The following PYGB variants were observed in gnomAD, a reference collection of about 807,000 sequenced individuals.
The protein encoded by PYGB is glycogen phosphorylase, brain form.
A neutral mutation model predicts 94.3 loss-of-function variants in PYGB; 82 were observed. That is an observed-to-expected ratio of 0.87 (90% CI 0.73 to 1.04). The LOEUF is 1.04. PYGB is among the 50% of genes least tolerant of loss of function. The probability of loss-of-function intolerance (pLI) is 0.00; values close to 1 mark genes in which losing one functional copy is unlikely to be tolerated. For synonymous variants in PYGB, 488 were observed against 479.1 expected, an observed-to-expected ratio of 1.02 and a Z score of -0.24; for missense variants, 1,132 against 1,158.2, an observed-to-expected ratio of 0.98 and a Z score of 0.33.
At position 25,297,613 on chromosome 20, in the gene PYGB, T is replaced by G. The variant is rs2088568876; in HGVS notation, c.*1091T>G. 1 of 152,380 alleles carries G rather than the reference T, an allele frequency of 6.6e-6. No homozygotes were observed. Among genetic ancestry groups the G allele is most frequent in the South Asian group, 2.1e-4 (1 of 4,836 alleles). The allele number at this position is 152,380 out of a possible 1,614,324, so 9.4% of individuals were successfully genotyped here. ...GGTGGGGGTGAGCCCCTCACAGCCT[T>G]GCCCCTCCCCAAGGCTGGCAACCTG... On this transcript the variant is annotated 3_prime_UTR_variant, in exon 20 of 20. Coordinates refer to ENST00000216962, the MANE Select transcript of PYGB (RefSeq NM_002862.4).
At chr20:25,268,002 A>G (rs910169534) in intron 2 of PYGB, among the ~76,000 whole-genome samples, 1 of 152,198 alleles carries the variant, frequency 6.6e-6, no homozygotes, top group Non-Finnish European at 1.5e-5. Flanking sequence ...TAAAAATTTA[A>G]TGGATTTTTG....
intron 2 of PYGB, among the ~76,000 whole-genome samples, chr20:25,268,157 A>ACCCCCCCCCCCC (rs375575044): frequency 5.3e-4 from 15 of 28,316 alleles, no homozygotes; most frequent in African/African-American, 9.5e-4. Flanking sequence ...AAATCCTAGC[A>ACCCCCCCCCCCC]CCCGCCCCCC....
chr20:25,286,708 C>T (rs1288666205), intron 14 of PYGB, among the ~76,000 whole-genome samples: 2 of 152,202 alleles, frequency 1.3e-5, no homozygotes, highest in East Asian at 1.9e-4. Flanking sequence ...CCAGGACCTG[C>T]CTTGTGAGGG....
intron 14 of PYGB, chr20:25,285,270 T>A (rs911926923): frequency 1.3e-5 from 2 of 152,130 alleles, no homozygotes; most frequent in Admixed American, 6.5e-5. Context: ...TGCCCCATTT[T>A]CCTCCTGCAG....
chr20:25,296,417 G>C lies in PYGB; in HGVS notation c.2427G>C (p.Ser809=), dbSNP rs200407106. 16 of 1,613,980 alleles carry C rather than the reference G, an allele frequency of 9.9e-6. No individual in the cohort carries two copies. The highest frequency in any genetic ancestry group is 1.4e-5 in the Non-Finnish European group (16 of 1,180,014). The part of the protein sequence containing the change: ...TKKVIRNIAC[S]GKFSSDRTIT... ...AGGTCATCAGGAACATCGCCTGCTC[G>C]GGCAAGTTCTCCAGTGACCGGACCA... Residue 809 remains serine, a synonymous_variant, in exon 20 of 20, where the codon TCG becomes TCC. Transcript: ENST00000216962.
rs201366222 is a variant in PYGB, at chr20:25,281,005, C to T, written c.1296C>T (p.Ile432=). ...DVDRLRRMSV[I]EEGDCKRINM... Reference sequence around the variant, plus strand: ...ACCGCCTGCGCAGGATGTCTGTGATCGAGGAGGGGGACTGCAAGCGGATCA... The same window carrying T: ...ACCGCCTGCGCAGGATGTCTGTGATTGAGGAGGGGGACTGCAAGCGGATCA... The change falls in exon 11 of 20, where the codon ATC becomes ATT. Residue 432 remains isoleucine, a synonymous_variant. Transcript: ENST00000216962. 32 of 1,614,130 alleles carry T rather than the reference C, an allele frequency of 2.0e-5. No individual in the cohort carries two copies. The highest frequency in any genetic ancestry group is 1.5e-4 in the African/African-American group (11 of 75,034).
chr20:25,293,962 C>T (rs1260817141), intron 17 of PYGB, 196 bp from the exon 18 acceptor site: 4 of 635,534 alleles, frequency 6.3e-6, no homozygotes, highest in South Asian at 5.8e-5. Flanking sequence ...ACTGACTTCA[C>T]ATCTCTGCTC....
intron 16 of PYGB, among the ~76,000 whole-genome samples, 155 bp from the exon 17 acceptor site, chr20:25,292,251 T>TGTGGGAGTGGGA (rs2088474176): frequency 8.5e-6 from 1 of 118,274 alleles, no homozygotes; most frequent in Non-Finnish European, 1.8e-5. Context: ...CCTGGGCCCC[T>TGTGGGAGTGGGA]GTGGGAGCGG....
intron 2 of PYGB, 27 bp downstream of exon 2, chr20:25,259,365 G>C: frequency 6.5e-7 from 1 of 1,547,206 alleles, no homozygotes; most frequent in East Asian, 2.2e-5. Context: ...CCGGGCTTCT[G>C]GGTGGCCCCT....
At chr20:25,276,919 G>T (rs1250056167) in intron 6 of PYGB, among the ~76,000 whole-genome samples, 162 bp downstream of exon 6, 1 of 152,128 alleles carries the variant, frequency 6.6e-6, no homozygotes, top group Non-Finnish European at 1.5e-5. Context: ...GGCTGGTGCA[G>T]CTTACCTGTG....
intron 2 of PYGB, among the ~76,000 whole-genome samples, chr20:25,260,512 A>T (rs192415001): frequency 8.7e-4 from 133 of 152,356 alleles, no homozygotes; most frequent in African/African-American, 3.1e-3. Context: ...GGAGGTTCCA[A>T]GATGGCTGAA....
At chr20:25,262,041 T>C (rs2123527588) in intron 2 of PYGB, among the ~76,000 whole-genome samples, 1 of 152,274 alleles carries the variant, frequency 6.6e-6, no homozygotes, top group African/African-American at 2.4e-5. Context: ...TGGCACCAAG[T>C]TGGAAAACAC....
Position 25,296,253 on chromosome 20 carries a change from G to A in PYGB, c.2380-117G>A, listed in dbSNP as rs751479072. The A allele has an allele frequency of 2.5e-4, 321 of 1,282,214 alleles. 2 individuals carry two copies. The highest frequency in any genetic ancestry group is 5.4e-4 in the African/African-American group (37 of 68,036). The allele number at this position is 1,282,214 out of a possible 1,614,324, so 79.4% of individuals were successfully genotyped here. Reference sequence around the variant, plus strand: ...GATTGTAATGTCCTCCTCTTCCAGCGGATGGCCCCAAGGCTCGGAGCTCAT... The same window carrying A: ...GATTGTAATGTCCTCCTCTTCCAGCAGATGGCCCCAAGGCTCGGAGCTCAT... On this transcript the variant is annotated intron_variant, in intron 19 of 19. Coordinates refer to ENST00000216962, the MANE Select transcript of PYGB (RefSeq NM_002862.4).
chr20:25,268,615 G>C (rs185481564), intron 2 of PYGB, among the ~76,000 whole-genome samples: 133 of 152,234 alleles, frequency 8.7e-4, no homozygotes, highest in African/African-American at 3.1e-3. Flanking sequence ...TGTCAAGTTC[G>C]TGCACTAAAG....
intron 1 of PYGB, among the ~76,000 whole-genome samples, chr20:25,249,851 T>A: frequency 2.7e-5 from 1 of 37,250 alleles, no homozygotes; most frequent in Admixed American, 1.8e-4. Flanking sequence ...CACAGCACCA[T>A]TTTTTTTTTT....
intron 15 of PYGB, chr20:25,290,061 CCA>C: frequency 2.3e-6 from 1 of 433,468 alleles, no homozygotes; most frequent in South Asian, 1.8e-5. Flanking sequence ...TAGGTTTTCC[CCA>C]CAGTCTGTCT....
At position 25,269,124 on chromosome 20, in the gene PYGB, T is replaced by C. The variant is rs2088243670; in HGVS notation, c.346-5T>C. On this transcript the variant is annotated splice_region_variant and splice_polypyrimidine_tract_variant and intron_variant, in intron 2 of 19. Coordinates refer to ENST00000216962, the MANE Select transcript of PYGB (RefSeq NM_002862.4). ...TTAAAATGCTGCCTGTGTTTTTGTTTGCAGTTGGGGTTAGACTTGGAGGAA... is the reference window on the plus strand; with the variant it reads ...TTAAAATGCTGCCTGTGTTTTTGTTCGCAGTTGGGGTTAGACTTGGAGGAA... 3 of 1,564,806 alleles carry C rather than the reference T, an allele frequency of 1.9e-6. No homozygotes were observed. The highest frequency in any genetic ancestry group is 8.8e-7 in the Non-Finnish European group (1 of 1,135,352).
rs2088343699 is a variant in PYGB, at chr20:25,279,242, G to C, written c.1092+93G>C. ...AGCTGAGCTGGGGGGCCTCTTCCCT[G>C]GCCTTGGGAGAGCTGTGTGGTCATC... On this transcript the variant is annotated intron_variant, in intron 9 of 19. Transcript: ENST00000216962. The C allele has an allele frequency of 2.3e-6, 3 of 1,312,628 alleles. No individual in the cohort carries two copies. The Admixed American group carries it at 6.1e-5, about 27-fold the overall frequency. The allele number at this position is 1,312,628 out of a possible 1,614,324, so 81.3% of individuals were successfully genotyped here.
Position 25,248,121 on chromosome 20 carries a change from G to T in PYGB, c.-58G>T, listed in dbSNP as rs200368315. ...GCCAGAGCAGCTGCACCATCCCGGC[G>T]TTCGCGTGTGCCGCCGCTTTCCTCC... On this transcript the variant is annotated 5_prime_UTR_variant, in exon 1 of 20. Transcript: ENST00000216962. The T allele has an allele frequency of 1.1e-5, 16 of 1,514,430 alleles. No individual in the cohort carries two copies. Among genetic ancestry groups the T allele is most frequent in the South Asian group, 2.6e-5 (2 of 77,746 alleles). The allele number at this position is 1,514,430 out of a possible 1,614,324, so 93.8% of individuals were successfully genotyped here.
Sources: gnomAD v4.1 joint callset for allele counts (sites outside exome capture counted in the v4.1 genomes callset) on GRCh38, gnomAD v4.1.1 for gene constraint, MANE v1.5 for transcripts, NCBI Gene and HGNC (gene_info 2026-07-23, HGNC 2026-07-21) for gene names.